Variants in SMARCA2 observed in about 807,000 individuals in gnomAD.
The protein encoded by SMARCA2 is SWI/SNF related BAF chromatin remodeling complex subunit ATPase 2, also known as SWI/SNF-related matrix-associated actin-dependent regulator of chromatin subfamily A member 2.
A neutral mutation model predicts 199.8 loss-of-function variants in SMARCA2; 61 were observed. The observed-to-expected ratio is 0.31, with a 90% CI of 0.25 to 0.38. The LOEUF (loss-of-function observed/expected upper bound fraction) is 0.38. Ranked by LOEUF, SMARCA2 falls within the 10% of genes least tolerant of loss-of-function variation. The pLI, the probability that SMARCA2 is intolerant of heterozygous loss-of-function variation, is 1.00. For synonymous variants in SMARCA2, 935 were observed against 732.0 expected (o/e 1.28, Z -4.48); for missense variants, 1,344 against 2,012.2 (o/e 0.67, Z 6.35).
intron 19 of SMARCA2, among the ~76,000 whole-genome samples, chr9:2,093,895 A>G (rs973700131): frequency 2.3e-4 from 35 of 152,364 alleles, no homozygotes; most frequent in Admixed American, 2.2e-3. Context: ...TAGTGCATGC[A>G]TATAGTAATT....
At chr9:2,106,460 T>C (rs1822758958) in intron 23 of SMARCA2, among the ~76,000 whole-genome samples, 2 of 152,174 alleles carry the variant, frequency 1.3e-5, no homozygotes, top group African/African-American at 4.8e-5. Context: ...TTGCCTAACA[T>C]GTTACAGATG....
At chr9:2,174,095 G>T (rs3793516) in intron 29 of SMARCA2, among the ~76,000 whole-genome samples, 52,616 of 151,906 alleles carry the variant, frequency 0.35, 9,228 homozygotes, top group Middle Eastern at 0.4. Context: ...AACTTAGTCC[G>T]TCTGTTTCCC....
intron 21 of SMARCA2, among the ~76,000 whole-genome samples, chr9:2,100,976 A>G (rs1157300606): frequency 6.6e-6 from 1 of 152,114 alleles, no homozygotes; most frequent in Non-Finnish European, 1.5e-5. Context: ...GAGGCAAGTG[A>G]AAAGGGAAAC....
chr9:2,051,102 G>A (rs1169978878), intron 5 of SMARCA2, among the ~76,000 whole-genome samples: 1 of 152,050 alleles, frequency 6.6e-6, no homozygotes, highest in Non-Finnish European at 1.5e-5. Flanking sequence ...TGTCTGGAGA[G>A]GAACATTATT....
intron 19 of SMARCA2, among the ~76,000 whole-genome samples, chr9:2,091,387 G>GT (rs1283474048): frequency 5.3e-5 from 8 of 151,944 alleles, no homozygotes; most frequent in Non-Finnish European, 8.8e-5. Context: ...CTTTTGCATG[G>GT]TTTTTTTTAA....
rs188888943 is a variant in SMARCA2, at chr9:2,149,666, G to A, written c.3982-12020G>A. Among the ~76,000 whole-genome samples, 101 of 151,650 alleles carry A rather than the reference G, an allele frequency of 6.7e-4. 5 individuals are homozygous for A. The highest frequency in any genetic ancestry group is 1.3e-3 in the Non-Finnish European group (91 of 67,712). ...CTTCGCACAACATGTGGGAATTATG[G>A]GAGTACAATTCAAGATGAGATTTGG... On this transcript the variant is annotated intron_variant, in intron 27 of 33. Transcript: ENST00000349721.
intron 16 of SMARCA2, 123 bp from the exon 17 acceptor site, chr9:2,083,963 A>G (rs1208894170): frequency 4.8e-6 from 3 of 621,730 alleles, no homozygotes; most frequent in African/African-American, 3.7e-5. Context: ...AGATCAGTCT[A>G]TGAGAATGTG....
In SMARCA2 at chr9:2,039,778, A is replaced by AGCC; in HGVS notation, c.670_671insCGC (p.Gln223_Gln224insPro). 1.1e-6 allele frequency: 1 copy of AGCC among 932,020 alleles called. No homozygotes were observed. The highest frequency in any genetic ancestry group is 2.6e-5 in the South Asian group (1 of 37,980). The allele number at this position is 932,020 out of a possible 1,614,324, so 57.7% of individuals were successfully genotyped here. A position where few individuals can be genotyped will look rare whatever the true frequency, so the allele number is the denominator to read the frequency against. The stretch of plus-strand genomic sequence containing the variant: ...TTGCAGCAACAACAGCAGCAGCAAC[A>AGCC]GCAGCAGCAGCAGCAGCAGCAGCAG... On this transcript the variant is annotated inframe_insertion, in exon 4 of 34. Coordinates refer to ENST00000349721, the MANE Select transcript of SMARCA2 (RefSeq NM_003070.5). The surrounding 1 kb of genome is among the most constrained non-coding windows in gnomAD (Gnocchi z 4.8).
chr9:2,136,271 T>A (rs562782948), intron 27 of SMARCA2, among the ~76,000 whole-genome samples: 2 of 150,776 alleles, frequency 1.3e-5, no homozygotes, highest in Non-Finnish European at 3.0e-5. Flanking sequence ...CACTGCAACC[T>A]GCGCTTCTCG....
In SMARCA2 at chr9:2,116,053, T is replaced by C; in HGVS notation, c.3684+4T>C. On this transcript the variant is annotated splice_donor_region_variant and intron_variant, in intron 25 of 33. Coordinates refer to ENST00000349721, the MANE Select transcript of SMARCA2 (RefSeq NM_003070.5). Reference sequence around the variant, plus strand: ...GGAGCATGAGGAGGAAAATGAGGTATTAGAGAAAACCCCAAGTTTATGAAA... The same window carrying C: ...GGAGCATGAGGAGGAAAATGAGGTACTAGAGAAAACCCCAAGTTTATGAAA... The C allele has an allele frequency of 6.2e-7, 1 of 1,603,004 alleles. No homozygotes were observed. The highest frequency in any genetic ancestry group is 8.5e-7 in the Non-Finnish European group (1 of 1,170,370).
intron 13 of SMARCA2, 29 bp from the exon 14 acceptor site, chr9:2,077,600 G>A: frequency 1.2e-6 from 2 of 1,609,728 alleles, no homozygotes; most frequent in East Asian, 2.2e-5. Context: ...ACATGTCTGT[G>A]TGTGATTCTC....
intron 27 of SMARCA2, among the ~76,000 whole-genome samples, chr9:2,142,545 T>C (rs1824515308): frequency 6.6e-6 from 1 of 152,174 alleles, no homozygotes; most frequent in Admixed American, 6.6e-5. Context: ...GTTTGGCCTG[T>C]TGAGTCTAGT....
intron 10 of SMARCA2, among the ~76,000 whole-genome samples, chr9:2,072,225 A>G (rs1263812762): frequency 1.3e-5 from 2 of 152,226 alleles, no homozygotes; most frequent in Non-Finnish European, 2.9e-5. Context: ...TAAAAATTCA[A>G]TTTTATCACT....
In SMARCA2 at chr9:2,017,073, G is replaced by A. The variant is rs949109112; in HGVS notation, c.-37+1669G>A. On this transcript the variant is annotated intron_variant, in intron 1 of 33. Coordinates refer to ENST00000349721, the MANE Select transcript of SMARCA2 (RefSeq NM_003070.5). The surrounding 1 kb of genome is among the most constrained non-coding windows in gnomAD (Gnocchi z 8.8). ...CGGCGGACACCCGCGCCTTGGCCGG[G>A]GCACTTGGGCCGGTTTCCGGTACAC... 3.3e-5 allele frequency: 5 copies of A among 152,240 alleles called. No homozygotes were observed. The highest frequency in any genetic ancestry group is 5.9e-5 in the Non-Finnish European group (4 of 68,094). 9.4% of individuals were successfully genotyped at this position (152,240 alleles called of 1,614,324 possible). A position where few individuals can be genotyped will look rare whatever the true frequency, so the allele number is the denominator to read the frequency against.
intron 18 of SMARCA2, among the ~76,000 whole-genome samples, chr9:2,087,517 T>C (rs1000975220): frequency 6.6e-6 from 1 of 152,240 alleles, no homozygotes; most frequent in Non-Finnish European, 1.5e-5. Context: ...AAAACAGAAC[T>C]AGTTTTCACA....
In SMARCA2 at chr9:2,096,646, C is replaced by G; in HGVS notation, c.2884-11C>G. The G allele has an allele frequency of 6.3e-7, 1 of 1,595,656 alleles. No homozygotes were observed. Among genetic ancestry groups the G allele is most frequent in the African/African-American group, 1.3e-5 (1 of 74,696 alleles). On this transcript the variant is annotated splice_polypyrimidine_tract_variant and intron_variant, in intron 19 of 33. Coordinates refer to ENST00000349721, the MANE Select transcript of SMARCA2 (RefSeq NM_003070.5). ...CCTGCTCTTGCCTACTTACTGTTCT[C>G]TTTTCTGCAGGTGGAATATGTGATC...
rs1586728677 is a variant in SMARCA2, at chr9:2,123,340, G to C, written c.3763-379G>C. Among the ~76,000 whole-genome samples the C allele has an allele frequency of 6.6e-6, 1 of 151,948 alleles. No homozygotes were observed. The highest frequency in any genetic ancestry group is 2.4e-5 in the African/African-American group (1 of 41,332). On this transcript the variant is annotated intron_variant, in intron 26 of 33. Coordinates refer to ENST00000349721, the MANE Select transcript of SMARCA2 (RefSeq NM_003070.5). This position sits in a 1 kb window ranked among gnomAD's most constrained non-coding sequence, Gnocchi z 4.1. ...TTTCTTTTCTTTACTCAAAGAATAA[G>C]TTTCTTCCAGGGAAGCAATGAGTTG...
rs551917610 is a variant in SMARCA2 at position 2,131,277 on chromosome 9, C to G, written c.3981+7340C>G. Among the ~76,000 whole-genome samples, 22 of 152,238 alleles carry G rather than the reference C, an allele frequency of 1.4e-4. No homozygotes were observed. The South Asian group carries it at 3.9e-3, about 27-fold the overall frequency. ...TCCTATTTGCTGTTGTCTCTTGTTA[C>G]CTTTCTTACGGCATCATATATCTAC... is the stretch of plus-strand genomic sequence containing the variant. On this transcript the variant is annotated intron_variant, in intron 27 of 33. Transcript: ENST00000349721.
At chr9:2,186,517 G>C (rs1356694956) in intron 32 of SMARCA2, among the ~76,000 whole-genome samples, 1 of 151,874 alleles carries the variant, frequency 6.6e-6, no homozygotes, top group Non-Finnish European at 1.5e-5. Flanking sequence ...ATTTATTTTT[G>C]AGACAGGGTC....
Sources: gnomAD v4.1 joint callset for allele counts (sites outside exome capture counted in the v4.1 genomes callset) on GRCh38, gnomAD v4.1.1 for gene constraint, Gnocchi (gnomAD v3.1) non-coding constraint, MANE v1.5 for transcripts, NCBI Gene and HGNC (gene_info 2026-07-23, HGNC 2026-07-21) for gene names.